The following EP300 variants were observed in gnomAD, a reference collection of about 807,000 sequenced individuals.
EP300 encodes the protein histone acetyltransferase p300.
A neutral mutation model predicts 264.0 loss-of-function variants in EP300; 31 were observed. The observed-to-expected ratio is 0.12, with a 90% CI of 0.09 to 0.16. The LOEUF is 0.16. EP300 is among the 10% of genes least tolerant of loss of function. The probability of loss-of-function intolerance (pLI) is 1.00; values close to 1 mark genes in which losing one functional copy is unlikely to be tolerated. For synonymous variants in EP300, 1,340 were observed against 1,045.4 expected (o/e 1.28, Z -5.44); for missense variants, 2,766 against 3,052.9 (o/e 0.91, Z 2.21).
At position 41,178,691 on chromosome 22, in the gene EP300, C is replaced by T. The variant is rs764378639; in HGVS notation, c.6980C>T (p.Pro2327Leu). Residue 2327 changes from proline (P) to leucine (L), a missense_variant, in exon 31 of 31, where the codon CCT (proline) becomes CTT (leucine). Transcript: ENST00000263253. ...CAGTCCCAGCCCCCCCACTCCAGTC[C>T]TTCCCCAAGGATGCAGCCTCAGCCT... The part of the protein sequence containing the change: ...RPQSQPPHSS[P>L]SPRMQPQPSP... The T allele has an allele frequency of 6.2e-7, 1 of 1,614,186 alleles. No individual in the cohort carries two copies. The highest frequency in any genetic ancestry group is 8.5e-7 in the Non-Finnish European group (1 of 1,180,030).
In EP300 at chr22:41,158,629, T is replaced by C. The variant is rs140213730; in HGVS notation, c.3590+129T>C. ...TTGAAGACAGCTGTATAGCACAAGTTCTGTTTTTTGCCTTCTGCCTTTGTT... is the reference window on the plus strand; with the variant it reads ...TTGAAGACAGCTGTATAGCACAAGTCCTGTTTTTTGCCTTCTGCCTTTGTT... On this transcript the variant is annotated intron_variant, in intron 19 of 30. Transcript: ENST00000263253. 607 of 766,406 alleles carry C rather than the reference T, an allele frequency of 7.9e-4. 1 individual carries two copies. In the African/African-American group the frequency reaches 9.3e-3, roughly 12 times the overall value. 47.5% of individuals were successfully genotyped at this position (766,406 alleles called of 1,614,324 possible).
chr22:41,124,586 C>T (rs945971252), intron 2 of EP300, among the ~76,000 whole-genome samples: 1 of 151,638 alleles, frequency 6.6e-6, no homozygotes, highest in East Asian at 1.9e-4. Context: ...TGCTAGAGCC[C>T]GGGAATTTGA....
At chr22:41,126,170 G>T in intron 3 of EP300, 130 bp downstream of exon 3, 1 of 899,092 alleles carries the variant, frequency 1.1e-6, no homozygotes. Flanking sequence ...ATATGTACTT[G>T]ATGATCCCTG....
At chr22:41,104,535 C>T (rs1311090076) in intron 1 of EP300, among the ~76,000 whole-genome samples, 1 of 152,052 alleles carries the variant, frequency 6.6e-6, no homozygotes, top group Non-Finnish European at 1.5e-5. Flanking sequence ...GGCGATCCGC[C>T]CGCCTCGGCC....
chr22:41,124,022 C>A (rs2145705074), intron 2 of EP300, among the ~76,000 whole-genome samples: 1 of 151,572 alleles, frequency 6.6e-6, no homozygotes, highest in East Asian at 2.0e-4. Context: ...CCGAGGTGGG[C>A]AGATCACTTG....
chr22:41,113,163 C>CCCA, intron 1 of EP300, among the ~76,000 whole-genome samples: 1 of 141,380 alleles, frequency 7.1e-6, no homozygotes, highest in Non-Finnish European at 1.5e-5. Context: ...TTCCACCCCC[C>CCCA]CCCCAACTTA....
rs143882339 is a variant in EP300, at chr22:41,113,879, G to A, written c.95-3308G>A. On this transcript the variant is annotated intron_variant, in intron 1 of 30. Coordinates refer to ENST00000263253, the MANE Select transcript of EP300 (RefSeq NM_001429.4). ...TTTATTTTCTAACATAGGCCTTTAG[G>A]TTTTGAAATATATTTTTTATTACTC... Among the ~76,000 whole-genome samples, 314 of 152,058 alleles carry A rather than the reference G, an allele frequency of 2.1e-3. 1 individual carries two copies. Among genetic ancestry groups the A allele is most frequent in the African/African-American group, 7.2e-3 (300 of 41,482 alleles).
intron 1 of EP300, among the ~76,000 whole-genome samples, chr22:41,101,823 A>G (rs1444492316): frequency 6.6e-6 from 1 of 152,122 alleles, no homozygotes; most frequent in Non-Finnish European, 1.5e-5. Context: ...GATGTGAGCC[A>G]CTATGCCTGC....
chr22:41,176,202 A>T (rs777640820), intron 29 of EP300, 45 bp from the exon 30 acceptor site: 3 of 1,611,222 alleles, frequency 1.9e-6, no homozygotes, highest in Non-Finnish European at 2.5e-6. Context: ...CCTGGATGAC[A>T]GAGCGAGGCC....
chr22:41,107,187 C>T (rs935073547), intron 1 of EP300, among the ~76,000 whole-genome samples: 3 of 152,106 alleles, frequency 2.0e-5, no homozygotes, highest in African/African-American at 7.2e-5. Flanking sequence ...GCATGAGCCA[C>T]GGTGCCTGAC....
intron 22 of EP300, among the ~76,000 whole-genome samples, chr22:41,165,538 C>T (rs1334569262): frequency 2.0e-4 from 30 of 152,200 alleles, no homozygotes; most frequent in Non-Finnish European, 1.5e-5. Context: ...ATTCTCCTGC[C>T]TCAGCCTCCC....
intron 1 of EP300, among the ~76,000 whole-genome samples, chr22:41,105,100 G>C (rs562154883): frequency 2.0e-5 from 3 of 151,306 alleles, no homozygotes; most frequent in East Asian, 4.0e-4. Context: ...AGGAGGCTGA[G>C]GCAGGAGAAT....
Position 41,177,399 on chromosome 22 carries a change from G to A in EP300, c.5688G>A (p.Val1896=), listed in dbSNP as rs2059207340. Residue 1896 remains valine (V), a synonymous_variant, in exon 31 of 31, where the codon GTG becomes GTA. Transcript: ENST00000263253. ...YLPRTQAAGP[V]SQGKAAGQVT... ...CCAGGACTCAAGCTGCTGGCCCTGT[G>A]TCCCAGGGTAAGGCAGCAGGCCAGG... The A allele has an allele frequency of 1.2e-6, 2 of 1,614,042 alleles. No individual in the cohort carries two copies. The highest frequency in any genetic ancestry group is 1.1e-5 in the South Asian group (1 of 91,074).
intron 3 of EP300, 123 bp downstream of exon 3, chr22:41,126,163 T>C (rs981172793): frequency 1.3e-5 from 12 of 943,210 alleles, no homozygotes; most frequent in East Asian, 2.5e-5. Flanking sequence ...TAAATTGATA[T>C]GTACTTGATG....
At chr22:41,133,655 A>G (rs887182594) in intron 6 of EP300, among the ~76,000 whole-genome samples, 19 of 152,104 alleles carry the variant, frequency 1.2e-4, no homozygotes, top group Admixed American at 6.6e-4. Flanking sequence ...TGGGATGCCA[A>G]CCAACCCATA....
chr22:41,174,865 G>T (rs937442546), intron 29 of EP300: 13 of 152,038 alleles, frequency 8.6e-5, no homozygotes, highest in African/African-American at 2.9e-4. Context: ...TTTTAGAGAG[G>T]AATTTGTTAT....
At position 41,173,614 on chromosome 22, in the gene EP300, ACTC is replaced by A. The variant is rs1569118977; in HGVS notation, c.4618-8_4618-6del. On this transcript the variant is annotated splice_region_variant and splice_polypyrimidine_tract_variant and intron_variant, in intron 28 of 30. Coordinates refer to ENST00000263253, the MANE Select transcript of EP300 (RefSeq NM_001429.4). ...CTTATTTTCTTGTCTCCTTTGTGCT[ACTC>A]TGCAGGTGACCAAGGGAGACAGCAA... is the stretch of plus-strand genomic sequence containing the variant. The A allele has an allele frequency of 6.2e-7, 1 of 1,614,026 alleles. No individual in the cohort carries two copies. Among genetic ancestry groups the A allele is most frequent in the Non-Finnish European group, 8.5e-7 (1 of 1,179,936 alleles).
At chr22:41,166,519 C>T in intron 22 of EP300, 80 bp from the exon 23 acceptor site, 2 of 1,150,950 alleles carry the variant, frequency 1.7e-6, no homozygotes, top group Non-Finnish European at 2.6e-6. Context: ...GCTAGATTGT[C>T]TTTTGAATTT....
chr22:41,121,398 A>AG (rs1466042212), intron 2 of EP300, among the ~76,000 whole-genome samples: 1 of 152,226 alleles, frequency 6.6e-6, no homozygotes, highest in Admixed American at 6.5e-5. Context: ...GGAGTAAAGA[A>AG]GCAGGGCTCA....
Sources: gnomAD v4.1 joint callset for allele counts (sites outside exome capture counted in the v4.1 genomes callset) on GRCh38, gnomAD v4.1.1 for gene constraint, MANE v1.5 for transcripts, NCBI Gene and HGNC (gene_info 2026-07-23, HGNC 2026-07-21) for gene names.